The following GOLM2 variants were observed in gnomAD, a reference collection of about 807,000 sequenced individuals.
GOLM2 encodes golgi membrane protein 2.
A neutral mutation model predicts 55.9 loss-of-function variants in GOLM2; 26 were observed. The observed-to-expected ratio is 0.47, with a 90% CI of 0.34 to 0.65. The LOEUF (loss-of-function observed/expected upper bound fraction) is 0.65. Ranked by LOEUF, GOLM2 falls within the 30% of genes least tolerant of loss-of-function variation. GOLM2 has a pLI of 0.01. For missense variants in GOLM2, 486 were observed against 531.8 expected (o/e 0.91, Z 0.85); for synonymous variants, 165 against 194.6 (o/e 0.85, Z 1.27).
At chr15:44,331,349 G>A (rs764349816) in intron 3 of GOLM2, among the ~76,000 whole-genome samples, 33 of 152,120 alleles carry the variant, frequency 2.2e-4, no homozygotes, top group Non-Finnish European at 4.4e-4. Context: ...ATTTTATAAT[G>A]GTGAAAGTTA....
At chr15:44,327,360 G>A (rs1360827450) in intron 2 of GOLM2, among the ~76,000 whole-genome samples, 1 of 151,854 alleles carries the variant, frequency 6.6e-6, no homozygotes, top group Non-Finnish European at 1.5e-5. Flanking sequence ...TTCGAGACCA[G>A]CCTGGGCAAA....
At chr15:44,318,889 T>G (rs1458845149) in intron 1 of GOLM2, among the ~76,000 whole-genome samples, 1 of 152,184 alleles carries the variant, frequency 6.6e-6, no homozygotes, top group African/African-American at 2.4e-5. Flanking sequence ...TTGCAGCTAC[T>G]GGGAATTGTT....
intron 1 of GOLM2, among the ~76,000 whole-genome samples, chr15:44,304,834 C>A (rs1196574305): frequency 6.6e-6 from 1 of 152,116 alleles, no homozygotes; most frequent in Admixed American, 6.5e-5. Flanking sequence ...GGATTACAGG[C>A]ATAAGCCACC....
intron 4 of GOLM2, among the ~76,000 whole-genome samples, chr15:44,335,878 G>A (rs986250750): frequency 7.6e-5 from 11 of 143,968 alleles, no homozygotes; most frequent in African/African-American, 2.3e-4. Flanking sequence ...ACAGTGGCCC[G>A]ATCTCGGCTC....
At chr15:44,353,080 G>A (rs1014795421) in intron 6 of GOLM2, among the ~76,000 whole-genome samples, 3 of 152,112 alleles carry the variant, frequency 2.0e-5, no homozygotes, top group Non-Finnish European at 4.4e-5. Flanking sequence ...CAAAAGGTCT[G>A]AATAGACATA....
At chr15:44,353,472 T>C (rs575993836) in intron 6 of GOLM2, among the ~76,000 whole-genome samples, 6 of 152,312 alleles carry the variant, frequency 3.9e-5, no homozygotes, top group Middle Eastern at 3.4e-3. Context: ...TAAAGAGATA[T>C]TTGCACTCTC....
intron 8 of GOLM2, 55 bp from the exon 9 acceptor site, chr15:44,402,832 A>G (rs2079574247): frequency 6.4e-7 from 1 of 1,569,414 alleles, no homozygotes; most frequent in Non-Finnish European, 8.7e-7. Context: ...TTCCGTATAG[A>G]TTCCTTCTTT....
intron 1 of GOLM2, among the ~76,000 whole-genome samples, chr15:44,311,386 T>C (rs190548419): frequency 6.6e-6 from 1 of 152,222 alleles, no homozygotes; most frequent in East Asian, 1.9e-4. Context: ...CCAGGCACCA[T>C]AACTTTAATG....
intron 5 of GOLM2, 42 bp downstream of exon 5, chr15:44,337,949 T>C (rs1437757128): frequency 1.3e-6 from 2 of 1,529,352 alleles, no homozygotes; most frequent in South Asian, 2.5e-5. Flanking sequence ...TAATAGGATA[T>C]TGACTTTTTC....
intron 6 of GOLM2, among the ~76,000 whole-genome samples, chr15:44,379,170 T>C (rs1395085170): frequency 6.6e-6 from 1 of 152,120 alleles, no homozygotes; most frequent in Non-Finnish European, 1.5e-5. Flanking sequence ...TGGGCAGATT[T>C]ATTGGTCAAA....
chr15:44,333,137 T>C lies in GOLM2; in HGVS notation c.576+1059T>C, dbSNP rs1248750782. On this transcript the variant is annotated intron_variant, in intron 4 of 9. Coordinates refer to ENST00000299957, the MANE Select transcript of GOLM2 (RefSeq NM_138423.4). ...TTAGTAGAGACAGGGTTTCACCATG[T>C]TAGCCAGGATGGTCTCGATCTCTTG... 2.0e-5 allele frequency among the ~76,000 whole-genome samples: 3 copies of C among 152,302 alleles called. No individual in the cohort carries two copies. The East Asian group carries it at 5.8e-4, about 29-fold the overall frequency.
At chr15:44,401,289 A>G (rs1301767508) in intron 8 of GOLM2, among the ~76,000 whole-genome samples, 1 of 151,054 alleles carries the variant, frequency 6.6e-6, no homozygotes, top group Non-Finnish European at 1.5e-5. Context: ...TTAAGAGACG[A>G]GGTCTCACTC....
At chr15:44,303,982 G>A (rs1451018193) in intron 1 of GOLM2, among the ~76,000 whole-genome samples, 7 of 150,868 alleles carry the variant, frequency 4.6e-5, no homozygotes, top group Admixed American at 6.6e-5. Flanking sequence ...CGCCTGACTC[G>A]GCCTTCCAAA....
intron 1 of GOLM2, among the ~76,000 whole-genome samples, chr15:44,296,407 T>G (rs1419906101): frequency 6.6e-6 from 1 of 152,218 alleles, no homozygotes; most frequent in East Asian, 1.9e-4. Flanking sequence ...GAATAGTAAA[T>G]GACCTTTTTT....
intron 6 of GOLM2, among the ~76,000 whole-genome samples, chr15:44,343,347 T>C (rs2079101385): frequency 6.6e-6 from 1 of 151,820 alleles, no homozygotes; most frequent in South Asian, 2.1e-4. Flanking sequence ...TTAGTTGTTG[T>C]TGTTATTATT....
At chr15:44,372,275 G>A (rs1383137708) in intron 6 of GOLM2, among the ~76,000 whole-genome samples, 2 of 152,188 alleles carry the variant, frequency 1.3e-5, no homozygotes, top group Non-Finnish European at 2.9e-5. Flanking sequence ...TGCAGCCAGA[G>A]TTGAGGACCA....
intron 9 of GOLM2, 195 bp downstream of exon 9, chr15:44,403,249 A>C (rs1595669183): frequency 1.8e-6 from 1 of 564,078 alleles, no homozygotes; most frequent in South Asian, 1.9e-5. Flanking sequence ...CGCAACCTCC[A>C]CCTCCCGGGT....
chr15:44,395,229 C>G (rs961136454), intron 8 of GOLM2, among the ~76,000 whole-genome samples: 1 of 149,972 alleles, frequency 6.7e-6, no homozygotes, highest in East Asian at 2.0e-4. Flanking sequence ...ACTGTGGTCT[C>G]GATTTCCTGA....
chr15:44,397,434 G>A (rs1205263842), intron 8 of GOLM2, among the ~76,000 whole-genome samples: 6 of 129,716 alleles, frequency 4.6e-5, no homozygotes, highest in South Asian at 2.4e-4. Flanking sequence ...AGCTGAGATC[G>A]CACCACTGCA....
Sources: gnomAD v4.1 joint callset for allele counts (sites outside exome capture counted in the v4.1 genomes callset) on GRCh38, gnomAD v4.1.1 for gene constraint, MANE v1.5 for transcripts, NCBI Gene and HGNC (gene_info 2026-07-23, HGNC 2026-07-21) for gene names.